BCL2L13: variants seen among roughly 807,000 people sequenced by gnomAD.
BCL2L13 encodes the protein BCL2 like 13, also known as bcl-2-like protein 13.
In BCL2L13, 13 loss-of-function variants were observed where a neutral mutation model predicts 25.8. The ratio of observed to expected loss-of-function variants is 0.50; its 90% CI spans 0.33 to 0.80. The LOEUF is 0.80. Among genes scored for constraint, BCL2L13 ranks in the 30% least tolerant of loss-of-function variants. The probability of loss-of-function intolerance (pLI) is 0.02; values close to 1 mark genes in which losing one functional copy is unlikely to be tolerated. For synonymous variants in BCL2L13, 244 were observed against 230.3 expected (o/e 1.06, Z -0.54); for missense variants, 504 against 574.9 (o/e 0.88, Z 1.26).
At chr22:17,655,873 A>G (rs1345935276) in intron 2 of BCL2L13, 41 bp downstream of exon 2, 45 of 1,563,500 alleles carry the variant, frequency 2.9e-5, no homozygotes, top group Middle Eastern at 1.8e-4. Flanking sequence ...AAATTGTAAT[A>G]AGGACTTTAT....
At chr22:17,699,412 G>C (rs751196878) in intron 5 of BCL2L13, among the ~76,000 whole-genome samples, 1 of 152,084 alleles carries the variant, frequency 6.6e-6, no homozygotes, top group Non-Finnish European at 1.5e-5. Flanking sequence ...AAAGGATAAT[G>C]TCCCTAAATT....
At chr22:17,703,540 G>A (rs2060502881) in intron 6 of BCL2L13, 1 of 152,166 alleles carries the variant, frequency 6.6e-6, no homozygotes, top group African/African-American at 2.4e-5. Context: ...CCAACAGTCA[G>A]TGATTCTGTA....
At chr22:17,656,332 ATTCTTTTT>A (rs2058857326) in intron 2 of BCL2L13, among the ~76,000 whole-genome samples, 1 of 70,426 alleles carries the variant, frequency 1.4e-5, no homozygotes. Flanking sequence ...TTTTCATTTT[ATTCTTTTT>A]TTTTTTTTTT....
At chr22:17,699,368 T>C (rs1447866779) in intron 5 of BCL2L13, among the ~76,000 whole-genome samples, 1 of 152,082 alleles carries the variant, frequency 6.6e-6, no homozygotes, top group African/African-American at 2.4e-5. Context: ...TACGCTTCAT[T>C]TCTACACCAA....
rs28825201 is a variant in BCL2L13, at chr22:17,667,609, A to G, written c.121+11777A>G. Reference sequence around the variant, plus strand: ...CTGCAACCTCAGCCTCCCAGGTTCAAGCGATTCTCCTGCCCCCACCTCCTG... The same window carrying G: ...CTGCAACCTCAGCCTCCCAGGTTCAGGCGATTCTCCTGCCCCCACCTCCTG... On this transcript the variant is annotated intron_variant, in intron 2 of 6. Transcript: ENST00000317582. Among the ~76,000 whole-genome samples, 8 of 152,114 alleles carry G rather than the reference A, an allele frequency of 5.3e-5. No homozygotes were observed. In the South Asian group the frequency reaches 1.7e-3, roughly 32 times the overall value.
At chr22:17,681,231 G>T (rs2059745032) in intron 2 of BCL2L13, among the ~76,000 whole-genome samples, 1 of 152,142 alleles carries the variant, frequency 6.6e-6, no homozygotes, top group African/African-American at 2.4e-5. Context: ...GATGGGCTGG[G>T]CGCAGTGGCT....
At chr22:17,711,324 G>GTTTTTTTTTT (rs2060754566) in intron 6 of BCL2L13, among the ~76,000 whole-genome samples, 1 of 69,378 alleles carries the variant, frequency 1.4e-5, no homozygotes, top group Non-Finnish European at 3.3e-5. Flanking sequence ...TTGAGACAGG[G>GTTTTTTTTTT]TTTCACTCTG....
intron 2 of BCL2L13, among the ~76,000 whole-genome samples, chr22:17,681,928 G>A (rs73876488): frequency 0.015 from 2,264 of 152,216 alleles, 58 homozygotes; most frequent in African/African-American, 0.05. Context: ...TCAAAGGGTT[G>A]TTATGAGCAT....
intron 1 of BCL2L13, among the ~76,000 whole-genome samples, chr22:17,652,090 G>A (rs77667430): frequency 0.015 from 2,259 of 152,188 alleles, 57 homozygotes; most frequent in African/African-American, 0.05. Context: ...CTTATGGTGG[G>A]GTTACATTCT....
intron 6 of BCL2L13, chr22:17,703,585 A>G (rs1375957936): frequency 6.6e-6 from 1 of 152,138 alleles, no homozygotes; most frequent in Non-Finnish European, 1.5e-5. Flanking sequence ...ACTACTCATT[A>G]TTGTTTTTTA....
At chr22:17,652,421 A>C (rs970423211) in intron 1 of BCL2L13, among the ~76,000 whole-genome samples, 1 of 152,146 alleles carries the variant, frequency 6.6e-6, no homozygotes, top group Non-Finnish European at 1.5e-5. Flanking sequence ...TATTTTATGT[A>C]AAGTGTTGAC....
intron 6 of BCL2L13, among the ~76,000 whole-genome samples, chr22:17,724,882 C>T (rs113677748): frequency 7.9e-5 from 12 of 152,312 alleles, no homozygotes; most frequent in African/African-American, 2.9e-4. Context: ...GTTGGCCTAG[C>T]CCCTTGTGCA....
chr22:17,636,591 C>G (rs947744674), upstream of BCL2L13, among the ~76,000 whole-genome samples: 11 of 151,370 alleles, frequency 7.3e-5, no homozygotes, highest in African/African-American at 2.7e-4. Context: ...GAGTTGGAGA[C>G]CAGCCTGGCC....
At chr22:17,676,979 C>G (rs1268457834) in intron 2 of BCL2L13, among the ~76,000 whole-genome samples, 1 of 152,062 alleles carries the variant, frequency 6.6e-6, no homozygotes, top group African/African-American at 2.4e-5. Flanking sequence ...TTTACTTAGG[C>G]AGAAGTAAGT....
rs572736178 is a variant in BCL2L13 at position 17,685,915 on chromosome 22, T to G, written c.229+2594T>G. On this transcript the variant is annotated intron_variant, in intron 3 of 6. Transcript: ENST00000317582. ...GCCTCCTGAGTAGCTGGAGCTACAG[T>G]GCCCACCACCACACCCAGCTACTCT... Among the ~76,000 whole-genome samples, 225 of 151,192 alleles carry G rather than the reference T, an allele frequency of 1.5e-3. 1 individual carries two copies. Among genetic ancestry groups the G allele is most frequent in the Middle Eastern group, 3.4e-3 (1 of 292 alleles).
intron 6 of BCL2L13, among the ~76,000 whole-genome samples, chr22:17,716,894 G>A (rs925990150): frequency 3.9e-5 from 6 of 152,086 alleles, no homozygotes; most frequent in Admixed American, 2.6e-4. Flanking sequence ...CAAGACTGAG[G>A]GGGAAACATG....
At chr22:17,681,242 C>T (rs968542992) in intron 2 of BCL2L13, among the ~76,000 whole-genome samples, 1 of 152,086 alleles carries the variant, frequency 6.6e-6, no homozygotes, top group Non-Finnish European at 1.5e-5. Flanking sequence ...CGCAGTGGCT[C>T]ACACCTGTAA....
At chr22:17,668,199 A>C (rs1332726750) in intron 2 of BCL2L13, among the ~76,000 whole-genome samples, 2 of 149,824 alleles carry the variant, frequency 1.3e-5, no homozygotes, top group African/African-American at 2.5e-5. Context: ...TTTAGTAGAG[A>C]TGGGGGTCTC....
intron 2 of BCL2L13, among the ~76,000 whole-genome samples, chr22:17,667,787 G>A (rs1422350564): frequency 6.6e-6 from 1 of 152,166 alleles, no homozygotes; most frequent in Non-Finnish European, 1.5e-5. Context: ...GGGATTACAG[G>A]CGTGAGCCAC....
Sources: allele counts gnomAD v4.1 joint callset (sites outside exome capture counted in the v4.1 genomes callset), GRCh38; gene constraint gnomAD v4.1.1; transcripts MANE v1.5; gene names NCBI Gene and HGNC (gene_info 2026-07-23, HGNC 2026-07-21).